H2BC12: variants seen among roughly 807,000 people sequenced by gnomAD.
H2BC12 encodes the protein H2B clustered histone 12, also known as histone H2B type 1-K.
In H2BC12, 6 loss-of-function variants were observed where a neutral mutation model predicts 6.3. The ratio of observed to expected loss-of-function variants is 0.95; its 90% confidence interval spans 0.52 to 1.87. The LOEUF is 1.87. H2BC12 is among the 40% of genes most tolerant of loss of function. The pLI is 0.01. For missense variants in H2BC12, 119 were observed against 178.4 expected (o/e 0.67, Z 1.90); for synonymous variants, 132 against 78.5 (o/e 1.68, Z -3.60).
chr6:27,140,962 T>C, the H2BC12 span, among the ~76,000 whole-genome samples: 1 of 151,798 alleles, frequency 6.6e-6, no homozygotes, highest in Non-Finnish European at 1.5e-5. Flanking sequence ...GTTGGATTTA[T>C]ATTTTTTATA....
chr6:27,144,766 G>A (rs1760050127), downstream of H2BC12, among the ~76,000 whole-genome samples: 1 of 152,176 alleles, frequency 6.6e-6, no homozygotes, highest in Non-Finnish European at 1.5e-5. Flanking sequence ...ATACCTGAAG[G>A]TAGAATTCAT....
At chr6:27,142,363 C>T (rs1251010871), downstream of H2BC12, among the ~76,000 whole-genome samples, 1 of 151,084 alleles carries the variant, frequency 6.6e-6, no homozygotes, top group Non-Finnish European at 1.5e-5. Context: ...ACCTCCGCCT[C>T]CCGGGTTCAA....
chr6:27,143,044 A>G (rs556638096), downstream of H2BC12, among the ~76,000 whole-genome samples: 1 of 152,294 alleles, frequency 6.6e-6, no homozygotes, highest in East Asian at 1.9e-4. Flanking sequence ...AAGTAGGATA[A>G]AGCAAATGAA....
chr6:27,139,107 AG>A, the H2BC12 span: 1 of 501,978 alleles, frequency 2.0e-6, no homozygotes, highest in Non-Finnish European at 3.4e-6. Context: ...AAAACAGCCT[AG>A]GTCTTGAGGA....
chr6:27,145,393 C>CA (rs746833096), downstream of H2BC12, among the ~76,000 whole-genome samples: 66 of 151,916 alleles, frequency 4.3e-4, no homozygotes, highest in African/African-American at 1.1e-3. Context: ...AGCCAGGTAA[C>CA]AACCTAGCTT....
At chr6:27,140,981 A>G in the H2BC12 span, among the ~76,000 whole-genome samples, 1 of 151,724 alleles carries the variant, frequency 6.6e-6, no homozygotes, top group Non-Finnish European at 1.5e-5. Context: ...TAGTTTTTGA[A>G]TGCTGCCTTT....
chr6:27,146,311 A>C, downstream of H2BC12: 1 of 1,555,116 alleles, frequency 6.4e-7, no homozygotes, highest in Non-Finnish European at 8.7e-7. Flanking sequence ...GATCGCCCGA[A>C]TTTAAGCCTG....
the H2BC12 span, chr6:27,139,221 T>A: frequency 2.1e-6 from 3 of 1,440,100 alleles, no homozygotes; most frequent in East Asian, 2.3e-5. Context: ...CCAAAGCTCT[T>A]CCGGTTTTCA....
downstream of H2BC12, among the ~76,000 whole-genome samples, chr6:27,144,470 G>GT (rs1760045724): frequency 8.4e-6 from 1 of 118,958 alleles, no homozygotes; most frequent in Non-Finnish European, 1.7e-5. Flanking sequence ...TGGGGGGGGG[G>GT]GGGGGGGCGG....
At chr6:27,145,295 T>TAC (rs57882884), downstream of H2BC12, among the ~76,000 whole-genome samples, 26,270 of 142,486 alleles carry the variant, frequency 0.18, 2,307 homozygotes, top group East Asian at 0.27. Context: ...ATATGTTAAA[T>TAC]ACACACACAC....
At chr6:27,142,196 C>T (rs1026395046), downstream of H2BC12, among the ~76,000 whole-genome samples, 2 of 152,178 alleles carry the variant, frequency 1.3e-5, no homozygotes, top group Non-Finnish European at 2.9e-5. Context: ...ATATTTAATA[C>T]ATTCTGTATT....
chr6:27,139,890 C>T, the H2BC12 span: 2 of 502,280 alleles, frequency 4.0e-6, no homozygotes, highest in Non-Finnish European at 7.0e-6. Context: ...AGCCGGTTTA[C>T]CGCTCGGATT....
chr6:27,139,693 G>T, the H2BC12 span: 8 of 1,516,996 alleles, frequency 5.3e-6, no homozygotes, highest in African/African-American at 9.8e-5. Flanking sequence ...CAAAAGAGTT[G>T]AAATGACTGC....
At chr6:27,142,634 T>G (rs1364531485), downstream of H2BC12, among the ~76,000 whole-genome samples, 1 of 111,726 alleles carries the variant, frequency 9.0e-6, no homozygotes. Context: ...ATTCCCCCCC[T>G]CCTTTTTTTT....
At chr6:27,142,936 C>A (rs72843607), downstream of H2BC12, among the ~76,000 whole-genome samples, 9,960 of 152,062 alleles carry the variant, frequency 0.065, 595 homozygotes, top group Non-Finnish European at 0.086. Flanking sequence ...CACGTGGCCA[C>A]ATTATATTTC....
chr6:27,144,699 G>A (rs1348746401), downstream of H2BC12, among the ~76,000 whole-genome samples: 2 of 152,120 alleles, frequency 1.3e-5, no homozygotes, highest in South Asian at 4.1e-4. Context: ...AAGTCTAAAG[G>A]TAATAACAGC....
downstream of H2BC12, chr6:27,146,353 C>G (rs1249123335): frequency 1.2e-6 from 2 of 1,607,312 alleles, no homozygotes; most frequent in East Asian, 4.5e-5. Context: ...GCTCTAATAT[C>G]GATAATTTAA....
At chr6:27,144,956 C>G (rs769123735), downstream of H2BC12, among the ~76,000 whole-genome samples, 4 of 151,984 alleles carry the variant, frequency 2.6e-5, no homozygotes, top group Non-Finnish European at 5.9e-5. Context: ...ACCACGCCCC[C>G]CCTAATTTTT....
In H2BC12 at chr6:27,146,701, C is replaced by G. The variant is rs778009037; in HGVS notation, c.98G>C (p.Ser33Thr). 1.2e-6 allele frequency: 2 copies of G among 1,614,274 alleles called. No individual in the cohort carries two copies. Among genetic ancestry groups the G allele is most frequent in the Non-Finnish European group, 1.7e-6 (2 of 1,180,056 alleles). Residue 33 changes from serine to threonine, a missense_variant, in exon 1 of 1, where the codon AGC becomes ACC. This residue lies in a region of H2BC12 where 69 missense variants were observed against 141.0 expected (regional missense o/e 0.49). Transcript: ENST00000356950. ...QKKDGKKRKR[S>T]RKESYSVYVY... Reference sequence around the variant, plus strand: ...GTATACGGAGTAGCTCTCCTTGCGGCTGCGCTTGCGCTTCTTGCCGTCCTT... The same window carrying G: ...GTATACGGAGTAGCTCTCCTTGCGGGTGCGCTTGCGCTTCTTGCCGTCCTT...
Sources: gnomAD v4.1 joint callset for allele counts (sites outside exome capture counted in the v4.1 genomes callset) on GRCh38, gnomAD v4.1.1 for gene constraint, gnomAD v4.1.1 regional missense constraint, MANE v1.5 for transcripts, NCBI Gene and HGNC (gene_info 2026-07-23, HGNC 2026-07-21) for gene names.